IL9R: variants seen among roughly 807,000 people sequenced by gnomAD.
IL9R encodes the protein interleukin-9 receptor.
IL9R carries 54 observed loss-of-function variants against 56.3 expected under a neutral mutation model. The ratio of observed to expected loss-of-function variants is 0.96; its 90% CI spans 0.77 to 1.20. The LOEUF (loss-of-function observed/expected upper bound fraction) is 1.20, where lower values mean the gene tolerates loss of function less well. Among genes scored for constraint, IL9R ranks in the 50% most tolerant of loss-of-function variants. The pLI is 0.00. For missense variants in IL9R, 545 were observed against 629.8 expected, an observed-to-expected ratio of 0.87 and a Z score of 1.44; for synonymous variants, 212 against 250.2, an observed-to-expected ratio of 0.85 and a Z score of 1.44.
Position 156,003,576 on chromosome X carries a change from C to T in IL9R, c.254+16C>T, listed in dbSNP as rs373546039. On this transcript the variant is annotated intron_variant, in intron 3 of 8. Coordinates refer to ENST00000244174, the MANE Select transcript of IL9R (RefSeq NM_002186.3). ...TCTTCACCAGGTGAGCATGGAGGGC[C>T]ATGCCCACCTGGACAGGGATGAGGG... The T allele has an allele frequency of 1.9e-6, 3 of 1,607,222 alleles. No individual in the cohort carries two copies. The highest frequency in any genetic ancestry group is 2.6e-6 in the Non-Finnish European group (3 of 1,173,916).
In IL9R at chrX:156,002,975, G is replaced by T. The variant is rs1298718541; in HGVS notation, c.98G>T (p.Cys33Phe). 4 of 1,613,900 alleles carry T rather than the reference G, an allele frequency of 2.5e-6. No individual in the cohort carries two copies. The highest frequency in any genetic ancestry group is 3.4e-6 in the Non-Finnish European group (4 of 1,179,856). The change falls in exon 2 of 9, where the codon TGC becomes TTC. Residue 33 changes from cysteine (C) to phenylalanine (F), a missense_variant. This residue lies in a region of IL9R where 431 missense variants were observed against 360.0 expected (regional missense o/e 1.20). Coordinates refer to ENST00000244174, the MANE Select transcript of IL9R (RefSeq NM_002186.3). ...TGGCTCCTGGCCTGCATCTGCATCT[G>T]CACCTGTGTCTGCTTGGGAGTCTCT... ...GTWLLACICI[C>F]TCVCLGVSVT... is the part of the protein sequence containing the mutation.
intron 4 of IL9R, 69 bp downstream of exon 4, chrX:156,003,924 A>T (rs1288911360): frequency 1.3e-6 from 2 of 1,531,022 alleles, no homozygotes. Flanking sequence ...GGGGGTTTGG[A>T]GCAGGGCCTT....
chrX:156,003,543 C>G lies in IL9R; in HGVS notation c.237C>G (p.Pro79=). The change falls in exon 3 of 9, where the codon CCC becomes CCG. Residue 79 remains proline, a synonymous_variant. Transcript: ENST00000244174. ...SAPELGQGSS[P]WLLFTSNQAP... ...CAGAGCTGGGACAGGGCTCCAGCCC[C>G]TGGCTCCTCTTCACCAGGTGAGCAT... The G allele has an allele frequency of 6.2e-7, 1 of 1,612,884 alleles. No individual in the cohort carries two copies. Among genetic ancestry groups the G allele is most frequent in the Non-Finnish European group, 8.5e-7 (1 of 1,179,304 alleles).
chrX:156,009,775 A>C, intron 8 of IL9R, 41 bp from the exon 9 acceptor site: 1 of 1,021,622 alleles, frequency 9.8e-7, no homozygotes, highest in Non-Finnish European at 1.3e-6. Flanking sequence ...AGTTCTGAAC[A>C]TGCTACCTGA....
At chrX:156,004,607 G>T (rs1341518036) in intron 5 of IL9R, 42 bp downstream of exon 5, 2 of 1,603,140 alleles carry the variant, frequency 1.2e-6, no homozygotes, top group Non-Finnish European at 1.7e-6. Context: ...TCTCTCCTGG[G>T]AACAGCAGTC....
At chrX:156,006,766 G>T (rs2067994940) in intron 7 of IL9R, among the ~76,000 whole-genome samples, 1 of 151,820 alleles carries the variant, frequency 6.6e-6, no homozygotes, top group South Asian at 2.1e-4. Context: ...AAGTGGGAGG[G>T]TGCTTCGCTT....
chrX:156,006,662 C>T (rs370979584), intron 7 of IL9R, among the ~76,000 whole-genome samples: 3 of 152,098 alleles, frequency 2.0e-5, no homozygotes, highest in Non-Finnish European at 2.9e-5. Context: ...ACGCCTCATG[C>T]ACCACATGTC....
intron 1 of IL9R, chrX:156,001,483 G>C (rs373864535): frequency 6.8e-6 from 11 of 1,610,200 alleles, no homozygotes; most frequent in Non-Finnish European, 9.3e-6. Context: ...GGTGGTTCCA[G>C]GCTGCACGCT....
At chrX:156,009,338 G>C (rs1319020007) in intron 8 of IL9R, among the ~76,000 whole-genome samples, 2 of 120,992 alleles carry the variant, frequency 1.7e-5, no homozygotes, top group African/African-American at 6.5e-5. Flanking sequence ...GTGTGTGTTT[G>C]TGTGTGTGTG....
At chrX:156,004,944 T>A (rs1176643520) in intron 5 of IL9R, among the ~76,000 whole-genome samples, 2 of 152,114 alleles carry the variant, frequency 1.3e-5, no homozygotes, top group Non-Finnish European at 2.9e-5. Context: ...CATGCCTATG[T>A]GTATGAGTGT....
intron 7 of IL9R, among the ~76,000 whole-genome samples, chrX:156,006,617 C>T (rs2067980593): frequency 6.6e-6 from 1 of 151,526 alleles, no homozygotes; most frequent in African/African-American, 2.4e-5. Context: ...GTTCTCAGAA[C>T]AAGATGGACA....
intron 1 of IL9R, among the ~76,000 whole-genome samples, chrX:156,002,247 G>C (rs1297905321): frequency 6.6e-6 from 1 of 152,110 alleles, no homozygotes; most frequent in Admixed American, 6.5e-5. Context: ...CTACTCGGGA[G>C]GCTGAGGCAG....
At chrX:156,002,401 C>T (rs2067594320) in intron 1 of IL9R, among the ~76,000 whole-genome samples, 1 of 152,122 alleles carries the variant, frequency 6.6e-6, no homozygotes, top group Non-Finnish European at 1.5e-5. Flanking sequence ...AAGTCATTTC[C>T]CCTCCTTGGG....
intron 1 of IL9R, among the ~76,000 whole-genome samples, chrX:155,999,211 G>C (rs1218657538): frequency 6.6e-6 from 1 of 152,054 alleles, no homozygotes; most frequent in African/African-American, 2.4e-5. Context: ...ACGCCTCTCT[G>C]TACTTCTCCC....
At chrX:156,000,563 G>C (rs1255166454) in intron 1 of IL9R, among the ~76,000 whole-genome samples, 1 of 152,202 alleles carries the variant, frequency 6.6e-6, no homozygotes, top group Admixed American at 6.5e-5. Context: ...GGGTGTCAGG[G>C]GCAGCTCTGT....
At position 156,010,149 on chromosome X, in the gene IL9R, A is replaced by G; in HGVS notation, c.1306A>G (p.Ser436Gly). 3 of 1,554,426 alleles carry G rather than the reference A, an allele frequency of 1.9e-6. No individual in the cohort carries two copies. The highest frequency in any genetic ancestry group is 2.6e-6 in the Non-Finnish European group (3 of 1,167,072). ...SEGSRSSSSSSSSNNNNYCAL... is the reference protein window; with the variant it reads ...SEGSRSSSSSGSSNNNNYCAL... ...GGGCAGCAGGAGCAGCAGCAGCAGC[A>G]GCAGCAGCAACAACAACAACTACTG... The change falls in exon 9 of 9, where the codon AGC (serine) becomes GGC (glycine). Residue 436 changes from serine to glycine, a missense_variant. Coordinates refer to ENST00000244174, the MANE Select transcript of IL9R (RefSeq NM_002186.3).
chrX:156,005,136 T>A, intron 5 of IL9R, 142 bp from the exon 6 acceptor site: 2 of 696,752 alleles, frequency 2.9e-6, no homozygotes, highest in Non-Finnish European at 5.2e-6. Flanking sequence ...TGTGTGCACG[T>A]GAATGTGGTG....
At position 156,009,399 on chromosome X, in the gene IL9R, G is replaced by C. The variant is rs1329386755; in HGVS notation, c.973-417G>C. Among the ~76,000 whole-genome samples the C allele has an allele frequency of 2.5e-3, 368 of 146,944 alleles. 2 individuals carry two copies. The East Asian group carries it at 0.032, about 13-fold the overall frequency. ...TCTGTGTGTGTTTGTGTGTGTGTGT[G>C]TCTCTGTGTGTGTGTGTGTTTGTGT... On this transcript the variant is annotated intron_variant, in intron 8 of 8. Transcript: ENST00000244174.
chrX:156,003,701 T>C lies in IL9R; in HGVS notation c.279T>C (p.His93=). The change falls in exon 4 of 9, where the codon CAT becomes CAC. Residue 93 remains histidine, a synonymous_variant. Coordinates refer to ENST00000244174, the MANE Select transcript of IL9R (RefSeq NM_002186.3). ...GCAACCAGGCTCCTGGCGGCACACATAAGTGCATCTTGCGGGGCAGTGAGT... is the reference window on the plus strand; with the variant it reads ...GCAACCAGGCTCCTGGCGGCACACACAAGTGCATCTTGCGGGGCAGTGAGT... ...FTSNQAPGGT[H]KCILRGSECT... is the part of the protein sequence containing the mutation. 1 of 1,613,546 alleles carries C rather than the reference T, an allele frequency of 6.2e-7. No homozygotes were observed. The highest frequency in any genetic ancestry group is 8.5e-7 in the Non-Finnish European group (1 of 1,179,668).
Sources: gnomAD v4.1 joint callset for allele counts (sites outside exome capture counted in the v4.1 genomes callset) on GRCh38, gnomAD v4.1.1 for gene constraint, gnomAD v4.1.1 regional missense constraint, MANE v1.5 for transcripts, NCBI Gene and HGNC (gene_info 2026-07-23, HGNC 2026-07-21) for gene names.